The following ATP8B4 variants were observed in gnomAD, a reference collection of about 807,000 sequenced individuals.
ATP8B4 encodes probable phospholipid-transporting ATPase IM.
ATP8B4 carries 133 observed loss-of-function variants against 145.6 expected under a neutral mutation model. The observed-to-expected ratio is 0.91, with a 90% CI of 0.79 to 1.05. The LOEUF (loss-of-function observed/expected upper bound fraction) is 1.05, where lower values mean the gene tolerates loss of function less well. Ranked by LOEUF, ATP8B4 falls within the 50% of genes least tolerant of loss-of-function variation. The probability of loss-of-function intolerance (pLI) is 0.00; values close to 1 mark genes in which losing one functional copy is unlikely to be tolerated. For synonymous variants in ATP8B4, 507 were observed against 492.9 expected (o/e 1.03, Z -0.38); for missense variants, 1,458 against 1,425.2 (o/e 1.02, Z -0.37).
intron 3 of ATP8B4, among the ~76,000 whole-genome samples, chr15:50,051,101 G>A (rs1174076636): frequency 6.6e-5 from 10 of 152,164 alleles, no homozygotes; most frequent in African/African-American, 1.2e-4. Flanking sequence ...GGAGGGACCC[G>A]ATGGGAGATA....
chr15:49,989,480 G>A (rs953187725), intron 9 of ATP8B4, among the ~76,000 whole-genome samples: 4 of 151,886 alleles, frequency 2.6e-5, no homozygotes, highest in Non-Finnish European at 5.9e-5. Context: ...CCTGCCAAAA[G>A]GAATATAAAA....
intron 2 of ATP8B4, among the ~76,000 whole-genome samples, chr15:50,087,142 TA>T (rs1271879587): frequency 1.6e-5 from 2 of 126,834 alleles, no homozygotes; most frequent in African/African-American, 6.2e-5. Flanking sequence ...GATCTATATT[TA>T]TTATATATAA....
intron 3 of ATP8B4, among the ~76,000 whole-genome samples, chr15:50,067,205 G>C (rs573443847): frequency 7.9e-5 from 12 of 151,988 alleles, no homozygotes; most frequent in African/African-American, 2.9e-4. Flanking sequence ...CCCAACTTAC[G>C]TTCTGTGTTA....
intron 7 of ATP8B4, among the ~76,000 whole-genome samples, chr15:50,006,028 T>C (rs971714589): frequency 6.6e-6 from 1 of 152,182 alleles, no homozygotes; most frequent in African/African-American, 2.4e-5. Context: ...AAATACCTCA[T>C]GCATTGAGTC....
chr15:49,871,927 G>A (rs535258894), intron 25 of ATP8B4, among the ~76,000 whole-genome samples: 2 of 152,226 alleles, frequency 1.3e-5, no homozygotes, highest in East Asian at 3.9e-4. Context: ...ATTAGGTAGG[G>A]GAGAAAACAA....
intron 6 of ATP8B4, among the ~76,000 whole-genome samples, chr15:50,032,547 T>C (rs537664949): frequency 7.2e-5 from 11 of 152,278 alleles, no homozygotes; most frequent in African/African-American, 2.4e-4. Flanking sequence ...TGGGCAAATA[T>C]CCAGTAATGG....
rs771994739 is a variant in ATP8B4 at position 49,981,228 on chromosome 15, A to T, written c.815T>A (p.Leu272Ter). ...TKFKRTSIDRLMNTLVLWIFG... is the reference protein window; with the variant it reads ...TKFKRTSIDR ...TACCCATAGTACTAGAGTATTCATCAATCTATCAATGCTTGTCCTTTTAAA... is the reference window on the plus strand; with the variant it reads ...TACCCATAGTACTAGAGTATTCATCTATCTATCAATGCTTGTCCTTTTAAA... The change falls in exon 11 of 28, where the codon TTG becomes TAG. Residue 272 changes from leucine to a stop codon, truncating the protein, a stop_gained. Transcript: ENST00000284509. LOFTEE classifies it high-confidence loss of function. 3.1e-6 allele frequency: 5 copies of T among 1,607,478 alleles called. No homozygotes were observed. The highest frequency in any genetic ancestry group is 3.4e-6 in the Non-Finnish European group (4 of 1,175,626).
chr15:49,992,195 C>T (rs2047095785), intron 9 of ATP8B4, among the ~76,000 whole-genome samples: 1 of 152,184 alleles, frequency 6.6e-6, no homozygotes, highest in Non-Finnish European at 1.5e-5. Flanking sequence ...TGCAATTACT[C>T]AGCATGGTGC....
At chr15:50,016,654 C>A (rs2049112157) in intron 6 of ATP8B4, among the ~76,000 whole-genome samples, 1 of 152,142 alleles carries the variant, frequency 6.6e-6, no homozygotes, top group Non-Finnish European at 1.5e-5. Flanking sequence ...GGACTTTATA[C>A]CATGGCATGA....
At chr15:50,024,541 G>T (rs1434179509) in intron 6 of ATP8B4, among the ~76,000 whole-genome samples, 1 of 152,164 alleles carries the variant, frequency 6.6e-6, no homozygotes, top group African/African-American at 2.4e-5. Context: ...CTGGAAAGGG[G>T]CAAGGTAACA....
chr15:49,972,686 T>C lies in ATP8B4; in HGVS notation c.1139A>G (p.Asn380Ser), dbSNP rs371162808. The C allele has an allele frequency of 5.6e-5, 91 of 1,614,024 alleles. No individual in the cohort carries two copies. The highest frequency in any genetic ancestry group is 3.3e-4 in the African/African-American group (25 of 75,036). The change falls in exon 13 of 28, where the codon AAT becomes AGT. Residue 380 changes from asparagine to serine, a missense_variant. Physicochemically the swap from Asn to Ser is conservative, Grantham distance 46. Transcript: ENST00000284509. ...GTACTCAATCTGCCCCAGTTCCTCA[T>C]TGAGCGTGGTCGTTCGAGCCACTGC... ...IPAVARTTTL[N>S]EELGQIEYIF...
chr15:50,024,726 G>A (rs1211487668), intron 6 of ATP8B4, among the ~76,000 whole-genome samples: 6 of 152,184 alleles, frequency 3.9e-5, no homozygotes, highest in East Asian at 1.9e-4. Context: ...GGGCAGCTGC[G>A]AATGAAACAG....
In ATP8B4 at chr15:50,087,273, TA is replaced by T. The variant is rs2055247629; in HGVS notation, c.29-13089del. 3.7e-5 allele frequency among the ~76,000 whole-genome samples: 5 copies of T among 136,352 alleles called. No individual in the cohort carries two copies. The South Asian group carries it at 1.1e-3, about 30-fold the overall frequency. The allele number at this position is 136,352 out of a possible 152,430, so 89.5% of individuals were successfully genotyped here. ...AATATATAGATCTATATGTATTATATATAATAGAATAATATATAGATCTATA... is the reference window on the plus strand; with the variant it reads ...AATATATAGATCTATATGTATTATATTAATAGAATAATATATAGATCTATA... On this transcript the variant is annotated intron_variant, in intron 2 of 27. Transcript: ENST00000284509.
chr15:50,124,399 A>AT (rs937531365), intron 1 of ATP8B4, among the ~76,000 whole-genome samples: 2 of 151,852 alleles, frequency 1.3e-5, no homozygotes, highest in African/African-American at 4.8e-5. Flanking sequence ...AAGACTCACA[A>AT]TTAAGTTTTA....
chr15:50,043,486 G>C (rs905976709), intron 5 of ATP8B4, among the ~76,000 whole-genome samples: 1 of 151,872 alleles, frequency 6.6e-6, no homozygotes, highest in Non-Finnish European at 1.5e-5. Flanking sequence ...CAACCCCTGA[G>C]ACAGTAAAAC....
At chr15:49,914,295 C>T (rs1042142156) in intron 20 of ATP8B4, among the ~76,000 whole-genome samples, 2 of 152,056 alleles carry the variant, frequency 1.3e-5, no homozygotes, top group East Asian at 1.9e-4. Flanking sequence ...TGAAACTGGA[C>T]CCCTAACTCT....
intron 2 of ATP8B4, among the ~76,000 whole-genome samples, chr15:50,082,228 C>A (rs1278443611): frequency 6.6e-6 from 1 of 152,194 alleles, no homozygotes; most frequent in East Asian, 1.9e-4. Context: ...CCCTCAGCCT[C>A]CAAGATTTCC....
chr15:49,966,687 G>T (rs1215296331), intron 13 of ATP8B4, among the ~76,000 whole-genome samples: 1 of 152,148 alleles, frequency 6.6e-6, no homozygotes, highest in Non-Finnish European at 1.5e-5. Flanking sequence ...GGCTGTGCGC[G>T]CAGCGTCAGC....
intron 2 of ATP8B4, among the ~76,000 whole-genome samples, chr15:50,095,630 T>C (rs1445724571): frequency 3.9e-5 from 6 of 151,998 alleles, no homozygotes; most frequent in Non-Finnish European, 8.8e-5. Flanking sequence ...GGTGGCACAG[T>C]TGTAGATGTG....
Sources: allele counts gnomAD v4.1 joint callset (sites outside exome capture counted in the v4.1 genomes callset), GRCh38; gene constraint gnomAD v4.1.1; transcripts MANE v1.5; gene names NCBI Gene and HGNC (gene_info 2026-07-23, HGNC 2026-07-21).